ANKH: variants seen among roughly 807,000 people sequenced by gnomAD.
The protein encoded by ANKH is ANKH inorganic pyrophosphate transport regulator.
In ANKH, 15 loss-of-function variants were observed where a neutral mutation model predicts 49.0. That is an observed-to-expected ratio of 0.31 (90% CI 0.20 to 0.47). The LOEUF (loss-of-function observed/expected upper bound fraction) is 0.47, where lower values mean the gene tolerates loss of function less well. Among genes scored for constraint, ANKH ranks in the 20% least tolerant of loss-of-function variants. The probability of loss-of-function intolerance (pLI) is 1.00; values close to 1 mark genes in which losing one functional copy is unlikely to be tolerated. For missense variants in ANKH, 429 were observed against 652.0 expected (o/e 0.66, Z 3.72); for synonymous variants, 273 against 260.0 (o/e 1.05, Z -0.48).
At chr5:14,801,684 A>G (rs146606957) in intron 1 of ANKH, among the ~76,000 whole-genome samples, 127 of 152,344 alleles carry the variant, frequency 8.3e-4, no homozygotes, top group African/African-American at 3.0e-3. Context: ...CTGCCATGAC[A>G]TCACCTCTAC....
At chr5:14,868,219 C>G (rs570075946) in intron 1 of ANKH, among the ~76,000 whole-genome samples, 1 of 152,054 alleles carries the variant, frequency 6.6e-6, no homozygotes, top group East Asian at 1.9e-4. Flanking sequence ...TTATACATAG[C>G]TGGATTTCCA....
rs115668548 is a variant in ANKH at position 14,761,389 on chromosome 5, A to T, written c.314-2791T>A. ...AACTCTGGGGTGGCAGGAAGATCAG[A>T]TGGGACATGTGAGTTTCAGCAGCTG... On this transcript the variant is annotated intron_variant, in intron 2 of 11. Transcript: ENST00000284268. Among the ~76,000 whole-genome samples the T allele has an allele frequency of 6.5e-3, 988 of 152,306 alleles. 8 individuals are homozygous for T. Among genetic ancestry groups the T allele is most frequent in the African/African-American group, 0.022 (895 of 41,554 alleles).
At position 14,745,946 on chromosome 5, in the gene ANKH, G is replaced by A. The variant is rs1037005890; in HGVS notation, c.839C>T (p.Thr280Ile). 6.2e-7 allele frequency: 1 copy of A among 1,614,004 alleles called. No homozygotes were observed. The highest frequency in any genetic ancestry group is 1.3e-5 in the African/African-American group (1 of 74,928). ...SAATEAVAIL[T>I]ATYPVGHMPY... ...CATGTGACCCACAGGGTATGTGGCT[G>A]TCAAAATCGCCACTGCCTGCAACAG... is the stretch of plus-strand genomic sequence containing the variant. Residue 280 changes from threonine (T) to isoleucine (I), a missense_variant, in exon 7 of 12, where the codon ACA (threonine) becomes ATA (isoleucine). Thr to Ile is a moderately conservative substitution (Grantham distance 89). Coordinates refer to ENST00000284268, the MANE Select transcript of ANKH (RefSeq NM_054027.6). This position sits in a 1 kb window ranked among gnomAD's most constrained non-coding sequence, Gnocchi z 4.7.
rs940655285 is a variant in ANKH at position 14,735,919 on chromosome 5, C to T, written c.1011+5908G>A. 3.6e-4 allele frequency among the ~76,000 whole-genome samples: 55 copies of T among 151,122 alleles called. 1 individual carries two copies. The highest frequency in any genetic ancestry group is 1.0e-3 in the South Asian group (5 of 4,804). On this transcript the variant is annotated intron_variant, in intron 8 of 11. Transcript: ENST00000284268. ...CCCATAACAATAAAATAGAAGGTTC[C>T]GGGTTGAATGCAGTTTCACGGTCTC...
At chr5:14,807,467 G>A (rs991252904) in intron 1 of ANKH, among the ~76,000 whole-genome samples, 2 of 152,138 alleles carry the variant, frequency 1.3e-5, no homozygotes. Flanking sequence ...GTTTGTAAGG[G>A]CTTAAGAATT....
At position 14,706,611 on chromosome 5, in the gene ANKH, A is replaced by G. The variant is rs1364718156; in HGVS notation, c.*4586T>C. On this transcript the variant is annotated 3_prime_UTR_variant, in exon 12 of 12. Transcript: ENST00000284268. Reference sequence around the variant, plus strand: ...TGGGTTATTTTGATTCCACAATGCAATTTCTCTCATTTTGAACATTTGCAT... The same window carrying G: ...TGGGTTATTTTGATTCCACAATGCAGTTTCTCTCATTTTGAACATTTGCAT... 2 of 152,100 alleles carry G rather than the reference A, an allele frequency of 1.3e-5. No homozygotes were observed. Among genetic ancestry groups the G allele is most frequent in the African/African-American group, 2.4e-5 (1 of 41,400 alleles). The allele number at this position is 152,100 out of a possible 1,614,324, so 9.4% of individuals were successfully genotyped here.
rs1437774366 is a variant in ANKH at position 14,741,782 on chromosome 5, A to G, written c.1011+45T>C. On this transcript the variant is annotated intron_variant, in intron 8 of 11. Transcript: ENST00000284268. ...TTAAAATAGCAACTTGCCCCTTTAC[A>G]AAAACCAAACAGAGAGAAGAGGCAG... The G allele has an allele frequency of 1.4e-5, 21 of 1,525,102 alleles. 1 individual carries two copies. The highest frequency in any genetic ancestry group is 1.9e-5 in the Non-Finnish European group (21 of 1,100,458). The allele number at this position is 1,525,102 out of a possible 1,614,324, so 94.5% of individuals were successfully genotyped here.
Position 14,737,652 on chromosome 5 carries a change from C to T in ANKH, c.1011+4175G>A, listed in dbSNP as rs933000123. Among the ~76,000 whole-genome samples, 1 of 152,242 alleles carries T rather than the reference C, an allele frequency of 6.6e-6. No homozygotes were observed. The highest frequency in any genetic ancestry group is 1.5e-5 in the Non-Finnish European group (1 of 68,036). ...CGCAGTCTCCTTTGCGTGGCTGCAA[C>T]CCTGCACGCTTCCACGTGAAAGCAG... On this transcript the variant is annotated intron_variant, in intron 8 of 11. Transcript: ENST00000284268. The surrounding 1 kb of genome is among the most constrained non-coding windows in gnomAD (Gnocchi z 5.0).
chr5:14,840,007 A>C (rs556731598), intron 1 of ANKH, among the ~76,000 whole-genome samples: 23 of 152,332 alleles, frequency 1.5e-4, no homozygotes, highest in African/African-American at 5.5e-4. Context: ...CTTATCCAAG[A>C]CCCCACTGTG....
intron 1 of ANKH, among the ~76,000 whole-genome samples, chr5:14,780,024 A>C (rs1191715666): frequency 1.3e-5 from 2 of 151,958 alleles, no homozygotes; most frequent in Non-Finnish European, 2.9e-5. Flanking sequence ...TGAGGAAGAA[A>C]TCAGAAGTTC....
In ANKH at chr5:14,763,548, A is replaced by G. The variant is rs146368072; in HGVS notation, c.314-4950T>C. On this transcript the variant is annotated intron_variant, in intron 2 of 11. Transcript: ENST00000284268. ...CCAATGTGGGGGATAGGGGGCATAA[A>G]TATCACCTAGGTCTTGAAGAGATAC... Among the ~76,000 whole-genome samples, 42 of 152,330 alleles carry G rather than the reference A, an allele frequency of 2.8e-4. 1 individual carries two copies. In the East Asian group the frequency reaches 8.1e-3, roughly 29 times the overall value.
At chr5:14,819,926 CACACACACACACAT>C (rs1224940597) in intron 1 of ANKH, among the ~76,000 whole-genome samples, 1 of 151,604 alleles carries the variant, frequency 6.6e-6, no homozygotes, top group African/African-American at 2.4e-5. Flanking sequence ...CACACACACA[CACACACACACACAT>C]TAAGCCTAAT....
chr5:14,815,839 G>A (rs969730515), intron 1 of ANKH, among the ~76,000 whole-genome samples: 1 of 152,204 alleles, frequency 6.6e-6, no homozygotes, highest in South Asian at 2.1e-4. Context: ...AAACACGATC[G>A]GGAATTTTGC....
intron 9 of ANKH, among the ~76,000 whole-genome samples, chr5:14,716,464 C>T (rs1737464037): frequency 3.9e-5 from 6 of 151,998 alleles, no homozygotes; most frequent in Admixed American, 3.9e-4. Flanking sequence ...TGCATTCCAG[C>T]CTGGGTGACG....
intron 1 of ANKH, among the ~76,000 whole-genome samples, chr5:14,796,643 C>G (rs1740399495): frequency 1.3e-5 from 2 of 152,130 alleles, no homozygotes; most frequent in African/African-American, 4.8e-5. Context: ...TGAAAATGTG[C>G]ATCCTGGAAA....
chr5:14,706,863 G>GAT lies in ANKH; in HGVS notation c.*4333_*4334insAT, dbSNP rs1421767580. The GAT allele has an allele frequency of 6.6e-6, 1 of 152,188 alleles. No individual in the cohort carries two copies. The highest frequency in any genetic ancestry group is 1.5e-5 in the Non-Finnish European group (1 of 68,052). The allele number at this position is 152,188 out of a possible 1,614,324, so 9.4% of individuals were successfully genotyped here. ...TTCCTACGGTTTGAGTGCTTTATATGAGAGCCATCAGAGGACTGTGTGTGA... is the reference window on the plus strand; with the variant it reads ...TTCCTACGGTTTGAGTGCTTTATATGATAGAGCCATCAGAGGACTGTGTGTGA... On this transcript the variant is annotated 3_prime_UTR_variant, in exon 12 of 12. Coordinates refer to ENST00000284268, the MANE Select transcript of ANKH (RefSeq NM_054027.6).
chr5:14,760,147 C>T (rs1381087893), intron 2 of ANKH, among the ~76,000 whole-genome samples: 1 of 152,048 alleles, frequency 6.6e-6, no homozygotes, highest in Non-Finnish European at 1.5e-5. Context: ...AGCAAAGGTG[C>T]CAGGTGTGGT....
At chr5:14,808,251 C>T (rs1293824149) in intron 1 of ANKH, among the ~76,000 whole-genome samples, 1 of 147,744 alleles carries the variant, frequency 6.8e-6, no homozygotes, top group Non-Finnish European at 1.5e-5. Context: ...TCTACATGTA[C>T]ATTTTTTTTT....
chr5:14,796,168 GT>G (rs972768236), intron 1 of ANKH, among the ~76,000 whole-genome samples: 585 of 143,482 alleles, frequency 4.1e-3, no homozygotes, highest in South Asian at 6.9e-3. Context: ...TTGCAAATGT[GT>G]TTTTTTTTTT....
Sources: allele counts gnomAD v4.1 joint callset (sites outside exome capture counted in the v4.1 genomes callset), GRCh38; gene constraint gnomAD v4.1.1; non-coding constraint Gnocchi (gnomAD v3.1); transcripts MANE v1.5; gene names NCBI Gene and HGNC (gene_info 2026-07-23, HGNC 2026-07-21).